The following RASGRF2 variants were observed in gnomAD, a reference collection of about 807,000 sequenced individuals.
RASGRF2 encodes the protein ras-specific guanine nucleotide-releasing factor 2.
A neutral mutation model predicts 151.0 loss-of-function variants in RASGRF2; 76 were observed. The observed-to-expected ratio is 0.50, with a 90% confidence interval of 0.42 to 0.61. RASGRF2 has a LOEUF of 0.61. Among genes scored for constraint, RASGRF2 ranks in the 20% least tolerant of loss-of-function variants. RASGRF2 has a pLI of 0.00. For synonymous variants in RASGRF2, 504 were observed against 566.5 expected, an observed-to-expected ratio of 0.89 and a Z score of 1.57; for missense variants, 1,148 against 1,564.6, an observed-to-expected ratio of 0.73 and a Z score of 4.49.
rs557830375 is a variant in RASGRF2 at position 81,107,623 on chromosome 5, G to A, written c.1756-1373G>A. ...GTGTGGTGGTTCCATTTCAGGCTTCGTCTTATTGTTTGCCATCCTTTATCT... is the reference window on the plus strand; with the variant it reads ...GTGTGGTGGTTCCATTTCAGGCTTCATCTTATTGTTTGCCATCCTTTATCT... On this transcript the variant is annotated intron_variant, in intron 12 of 26. Coordinates refer to ENST00000265080, the MANE Select transcript of RASGRF2 (RefSeq NM_006909.3). Among the ~76,000 whole-genome samples the A allele has an allele frequency of 1.9e-3, 294 of 152,206 alleles. 1 individual carries two copies. Among genetic ancestry groups the A allele is most frequent in the African/African-American group, 6.5e-3 (269 of 41,526 alleles).
chr5:81,219,121 G>T (rs2112747516), intron 25 of RASGRF2, among the ~76,000 whole-genome samples: 1 of 151,220 alleles, frequency 6.6e-6, no homozygotes, highest in East Asian at 1.9e-4. Flanking sequence ...GCCCAGGCTG[G>T]AGTGCAGTGG....
intron 1 of RASGRF2, among the ~76,000 whole-genome samples, chr5:80,966,253 C>T (rs1215432553): frequency 6.6e-6 from 1 of 151,948 alleles, no homozygotes; most frequent in Non-Finnish European, 1.5e-5. Flanking sequence ...TTATAAATCC[C>T]ATCTATCTAT....
chr5:81,079,273 T>C lies in RASGRF2; in HGVS notation c.888-848T>C, dbSNP rs529509126. ...GTTGAAATCCTTGAACAACAAACAC[T>C]ACTTAGTTAAATTGTTATAAAAGAA... On this transcript the variant is annotated intron_variant, in intron 5 of 26. Coordinates refer to ENST00000265080, the MANE Select transcript of RASGRF2 (RefSeq NM_006909.3). 3.3e-5 allele frequency among the ~76,000 whole-genome samples: 5 copies of C among 152,224 alleles called. No homozygotes were observed. In the South Asian group the frequency reaches 1.0e-3, roughly 32 times the overall value.
At chr5:81,090,684 G>A (rs1752364844) in intron 9 of RASGRF2, among the ~76,000 whole-genome samples, 1 of 152,052 alleles carries the variant, frequency 6.6e-6, no homozygotes, top group Non-Finnish European at 1.5e-5. Flanking sequence ...GCATATTAGT[G>A]TATGGTTGCC....
Position 81,229,462 on chromosome 5 carries a change from G to A in RASGRF2, c.*3692G>A, listed in dbSNP as rs896927615. 2 of 152,118 alleles carry A rather than the reference G, an allele frequency of 1.3e-5. No individual in the cohort carries two copies. Among genetic ancestry groups the A allele is most frequent in the African/African-American group, 4.8e-5 (2 of 41,424 alleles). 9.4% of individuals were successfully genotyped at this position (152,118 alleles called of 1,614,324 possible). A position where few individuals can be genotyped will look rare whatever the true frequency, so the allele number is the denominator to read the frequency against. ...TCTAATCAGTGTGTCATTTCTCAGCGGCCATTGGTGACTTAAAATTAAGAT... is the reference window on the plus strand; with the variant it reads ...TCTAATCAGTGTGTCATTTCTCAGCAGCCATTGGTGACTTAAAATTAAGAT... On this transcript the variant is annotated 3_prime_UTR_variant, in exon 27 of 27. Coordinates refer to ENST00000265080, the MANE Select transcript of RASGRF2 (RefSeq NM_006909.3).
chr5:81,072,209 G>A (rs1416923784), intron 4 of RASGRF2, among the ~76,000 whole-genome samples: 1 of 152,054 alleles, frequency 6.6e-6, no homozygotes, highest in East Asian at 1.9e-4. Context: ...TATAATTCAT[G>A]GAAATTTTTG....
intron 5 of RASGRF2, among the ~76,000 whole-genome samples, chr5:81,074,988 C>T (rs972840900): frequency 4.6e-5 from 7 of 152,104 alleles, no homozygotes; most frequent in African/African-American, 7.2e-5. Context: ...AGACATTGGT[C>T]AGGTTTTGAG....
In RASGRF2 at chr5:81,108,239, T is replaced by C. The variant is rs144246991; in HGVS notation, c.1756-757T>C. 4.9e-3 allele frequency among the ~76,000 whole-genome samples: 743 copies of C among 152,344 alleles called. 7 individuals are homozygous for C. Among genetic ancestry groups the C allele is most frequent in the African/African-American group, 0.017 (696 of 41,574 alleles). On this transcript the variant is annotated intron_variant, in intron 12 of 26. Coordinates refer to ENST00000265080, the MANE Select transcript of RASGRF2 (RefSeq NM_006909.3). ...TTTGTTCAAAGGGAATATGTATAAG[T>C]CAAAATAAATTCTTCTCTAACCCAA...
At chr5:81,160,352 T>C (rs1057342596) in intron 17 of RASGRF2, among the ~76,000 whole-genome samples, 2 of 152,004 alleles carry the variant, frequency 1.3e-5, no homozygotes, top group Non-Finnish European at 2.9e-5. Flanking sequence ...ACCCTGGAGA[T>C]GGAGGTTGCA....
At chr5:81,131,416 G>A (rs568173105) in intron 17 of RASGRF2, among the ~76,000 whole-genome samples, 33 of 152,150 alleles carry the variant, frequency 2.2e-4, no homozygotes, top group Non-Finnish European at 3.7e-4. Flanking sequence ...GTGCAGGGGC[G>A]TGATCTTGGC....
chr5:81,172,722 A>G (rs1754685855), intron 17 of RASGRF2, among the ~76,000 whole-genome samples: 1 of 152,140 alleles, frequency 6.6e-6, no homozygotes, highest in South Asian at 2.1e-4. Context: ...TACCATTGTC[A>G]AATGATGAGT....
intron 2 of RASGRF2, among the ~76,000 whole-genome samples, chr5:81,047,263 G>A (rs1750865954): frequency 6.6e-6 from 1 of 152,226 alleles, no homozygotes; most frequent in Non-Finnish European, 1.5e-5. Flanking sequence ...GGCGTGTGGG[G>A]TATGAGAGAA....
chr5:81,195,949 G>A (rs1330656944), intron 18 of RASGRF2, among the ~76,000 whole-genome samples: 1 of 152,202 alleles, frequency 6.6e-6, no homozygotes, highest in Admixed American at 6.5e-5. Context: ...TGCTGGGTCA[G>A]CTAAGGAAGG....
rs397884951 is a variant in RASGRF2 at position 81,024,249 on chromosome 5, A to ATTTT, written c.289-18604_289-18601dup. Among the ~76,000 whole-genome samples the ATTTT allele has an allele frequency of 8.4e-4, 60 of 71,688 alleles. 1 individual carries two copies. Among genetic ancestry groups the ATTTT allele is most frequent in the African/African-American group, 2.6e-3 (41 of 15,740 alleles). 47.0% of individuals were successfully genotyped at this position (71,688 alleles called of 152,430 possible). A position where few individuals can be genotyped will look rare whatever the true frequency, so the allele number is the denominator to read the frequency against. Reference sequence around the variant, plus strand: ...CTCCAGGACTAGAGGTATTCATATAATTTTTTTTTTTTTTTTTTTTTTTTT... The same window carrying ATTTT: ...CTCCAGGACTAGAGGTATTCATATAATTTTTTTTTTTTTTTTTTTTTTTTTTTTT... On this transcript the variant is annotated intron_variant, in intron 1 of 26. Transcript: ENST00000265080.
intron 2 of RASGRF2, among the ~76,000 whole-genome samples, chr5:81,048,506 T>G (rs1419251787): frequency 6.6e-6 from 1 of 152,238 alleles, no homozygotes; most frequent in East Asian, 1.9e-4. Context: ...ATTTTAATAC[T>G]TTGTTAATAC....
intron 1 of RASGRF2, among the ~76,000 whole-genome samples, chr5:81,008,269 G>C (rs563689156): frequency 5.5e-5 from 8 of 146,524 alleles, no homozygotes; most frequent in Non-Finnish European, 1.2e-4. Context: ...TCCTGCCTCA[G>C]CCTCCCCAGT....
rs369262343 is a variant in RASGRF2 at position 81,212,345 on chromosome 5, G to C, written c.3157-21G>C. On this transcript the variant is annotated intron_variant, in intron 22 of 26. Transcript: ENST00000265080. ...GCTTGGGGCTCTTAGACTGCCTTTC[G>C]GGGCTTTTTGATTGTCTCAGATGAG... 446 of 1,566,502 alleles carry C rather than the reference G, an allele frequency of 2.8e-4. 2 individuals carry two copies. The South Asian group carries it at 4.7e-3, about 17-fold the overall frequency.
At chr5:81,220,354 T>C (rs1207230035) in intron 26 of RASGRF2, among the ~76,000 whole-genome samples, 1 of 152,222 alleles carries the variant, frequency 6.6e-6, no homozygotes, top group East Asian at 1.9e-4. Context: ...TTTTTTAGAA[T>C]AGTTTTAGCT....
intron 9 of RASGRF2, among the ~76,000 whole-genome samples, chr5:81,092,035 TG>T (rs1752404022): frequency 6.6e-6 from 1 of 152,156 alleles, no homozygotes; most frequent in Non-Finnish European, 1.5e-5. Context: ...ATTTTATTTT[TG>T]GGGTAGGGGG....
Sources: allele counts gnomAD v4.1 joint callset (sites outside exome capture counted in the v4.1 genomes callset), GRCh38; gene constraint gnomAD v4.1.1; transcripts MANE v1.5; gene names NCBI Gene and HGNC (gene_info 2026-07-23, HGNC 2026-07-21).